Variants in CLUL1 observed in about 807,000 individuals in gnomAD.
CLUL1 encodes the protein clusterin like 1, also known as clusterin-like protein 1.
Under a neutral mutation model 49.4 loss-of-function variants are expected in CLUL1, and 43 were observed. The observed-to-expected ratio is 0.87, with a 90% confidence interval of 0.68 to 1.12. The LOEUF (loss-of-function observed/expected upper bound fraction) is 1.12. Among genes scored for constraint, CLUL1 ranks in the 50% most tolerant of loss-of-function variants. The pLI is 0.00. For synonymous variants in CLUL1, 192 were observed against 184.9 expected (o/e 1.04, Z -0.31); for missense variants, 486 against 544.4 (o/e 0.89, Z 1.07).
intron 1 of CLUL1, chr18:598,326 A>C (rs966219964): frequency 5.2e-6 from 2 of 384,316 alleles, no homozygotes; most frequent in Non-Finnish European, 9.2e-6. Flanking sequence ...GAAGAAAGTC[A>C]CGATGATCTG....
At chr18:635,674 C>T (rs2074114735) in intron 7 of CLUL1, among the ~76,000 whole-genome samples, 1 of 149,430 alleles carries the variant, frequency 6.7e-6, no homozygotes, top group Non-Finnish European at 1.5e-5. Context: ...AAACTCCTGC[C>T]CCTCCCTTGG....
intron 1 of CLUL1, among the ~76,000 whole-genome samples, chr18:599,405 G>T (rs566511): frequency 0.4 from 60,816 of 152,000 alleles, 12,771 homozygotes; most frequent in Middle Eastern, 0.62. Flanking sequence ...AGGCACTATG[G>T]AAAATTTCTA....
chr18:635,249 G>A (rs1018107147), intron 7 of CLUL1, among the ~76,000 whole-genome samples: 1 of 152,180 alleles, frequency 6.6e-6, no homozygotes, highest in East Asian at 1.9e-4. Flanking sequence ...CAGGGGGCAC[G>A]TTTGGGGATG....
chr18:647,040 C>G (rs1468754015), intron 9 of CLUL1, among the ~76,000 whole-genome samples: 3 of 151,988 alleles, frequency 2.0e-5, no homozygotes, highest in Non-Finnish European at 2.9e-5. Flanking sequence ...CATGAGCCAC[C>G]ACACTGGCCT....
At chr18:634,134 TTTTG>T (rs144304454) in intron 7 of CLUL1, among the ~76,000 whole-genome samples, 10,341 of 151,982 alleles carry the variant, frequency 0.068, 484 homozygotes, top group East Asian at 0.2. Context: ...TAAACTGGTG[TTTTG>T]TTTGTTTGTT....
intron 1 of CLUL1, among the ~76,000 whole-genome samples, chr18:605,896 C>T (rs2072959443): frequency 6.6e-6 from 1 of 152,064 alleles, no homozygotes; most frequent in African/African-American, 2.4e-5. Context: ...AATGCCTGGC[C>T]TCAAGCAATC....
intron 8 of CLUL1, among the ~76,000 whole-genome samples, chr18:644,478 T>C (rs2074418310): frequency 6.6e-6 from 1 of 152,178 alleles, no homozygotes; most frequent in African/African-American, 2.4e-5. Flanking sequence ...TCAGCAAACA[T>C]CCCACCTCCT....
chr18:626,885 AAG>A (rs1236690673), intron 5 of CLUL1, among the ~76,000 whole-genome samples: 1 of 1,158 alleles, frequency 8.6e-4, no homozygotes, highest in Non-Finnish European at 0.017. Context: ...GAAAGAAAGA[AAG>A]AAAGAAAGAA....
At chr18:643,812 A>G (rs1019138322) in intron 8 of CLUL1, among the ~76,000 whole-genome samples, 4 of 152,202 alleles carry the variant, frequency 2.6e-5, no homozygotes, top group Non-Finnish European at 5.9e-5. Context: ...ATGACCCTAT[A>G]AAGGAAGTAG....
intron 2 of CLUL1, among the ~76,000 whole-genome samples, chr18:609,068 T>C (rs995378984): frequency 6.6e-6 from 1 of 152,194 alleles, no homozygotes; most frequent in Admixed American, 6.5e-5. Context: ...ATATACACAA[T>C]GAGATATCTT....
Position 645,801 on chromosome 18 carries a change from AAAAAAAAAAATATATATATATATAT to A in CLUL1, c.1397+706_1397+730del, listed in dbSNP as rs1202141155. ...AGAGCGAGACTCTGTTTAAAAAAAA[AAAAAAAAAAATATATATATATATAT>A]ATATATATATATATATATATATATA... On this transcript the variant is annotated intron_variant, in intron 9 of 9. Coordinates refer to ENST00000692774, the MANE Select transcript of CLUL1 (RefSeq NM_001393344.1). Among the ~76,000 whole-genome samples, 14 of 50,998 alleles carry A rather than the reference AAAAAAAAAAATATATATATATATAT, an allele frequency of 2.7e-4. 2 individuals are homozygous for A. Among genetic ancestry groups the A allele is most frequent in the African/African-American group, 1.0e-3 (13 of 12,470 alleles). The allele number at this position is 50,998 out of a possible 152,430, so 33.5% of individuals were successfully genotyped here. A position where few individuals can be genotyped will look rare whatever the true frequency, so the allele number is the denominator to read the frequency against.
chr18:635,259 G>A (rs887811222), intron 7 of CLUL1, among the ~76,000 whole-genome samples: 6 of 152,168 alleles, frequency 3.9e-5, no homozygotes, highest in African/African-American at 1.4e-4. Context: ...GTTTGGGGAT[G>A]ATCATCAGGC....
intron 4 of CLUL1, 107 bp downstream of exon 4, chr18:619,468 A>C: frequency 7.7e-6 from 8 of 1,044,498 alleles, no homozygotes; most frequent in Non-Finnish European, 1.1e-5. Flanking sequence ...AATAAATTTC[A>C]TGGGTAGCTG....
At chr18:623,445 G>A (rs1351351874) in intron 4 of CLUL1, among the ~76,000 whole-genome samples, 1 of 152,056 alleles carries the variant, frequency 6.6e-6, no homozygotes, top group Non-Finnish European at 1.5e-5. Context: ...AGGAGTTCGA[G>A]ATCAGCCTGG....
chr18:649,141 A>G (rs992377930), intron 9 of CLUL1, among the ~76,000 whole-genome samples: 15 of 152,124 alleles, frequency 9.9e-5, no homozygotes, highest in African/African-American at 3.6e-4. Context: ...GATTATATCA[A>G]TGCATTCAGG....
At chr18:617,465 A>C (rs493239) in intron 2 of CLUL1, among the ~76,000 whole-genome samples, 3 of 152,114 alleles carry the variant, frequency 2.0e-5, no homozygotes, top group Admixed American at 6.6e-5. Context: ...TTGGTGGCGC[A>C]TGCCTATAAT....
rs869103727 is a variant in CLUL1 at position 645,792 on chromosome 18, T to TAAA, written c.1397+712_1397+714dup. Among the ~76,000 whole-genome samples the TAAA allele has an allele frequency of 6.9e-3, 111 of 16,062 alleles. 32 individuals carry two copies. The highest frequency in any genetic ancestry group is 0.17 in the Middle Eastern group (2 of 12). The allele number at this position is 16,062 out of a possible 152,430, so 10.5% of individuals were successfully genotyped here. ...CTGGGCGACAGAGCGAGACTCTGTT[T>TAAA]AAAAAAAAAAAAAAAAAAATATATA... On this transcript the variant is annotated intron_variant, in intron 9 of 9. Coordinates refer to ENST00000692774, the MANE Select transcript of CLUL1 (RefSeq NM_001393344.1).
At chr18:631,368 C>T (rs28532598) in intron 6 of CLUL1, among the ~76,000 whole-genome samples, 9 of 151,706 alleles carry the variant, frequency 5.9e-5, no homozygotes, top group Admixed American at 5.2e-4. Context: ...TAGCTTGACC[C>T]GTGCGGGGGC....
At chr18:628,872 A>T (rs112614021) in intron 6 of CLUL1, among the ~76,000 whole-genome samples, 1,752 of 151,968 alleles carry the variant, frequency 0.012, 30 homozygotes, top group African/African-American at 0.04. Context: ...ACCTCAAGTG[A>T]TCTGCTCACC....
Sources: gnomAD v4.1 joint callset for allele counts (sites outside exome capture counted in the v4.1 genomes callset) on GRCh38, gnomAD v4.1.1 for gene constraint, MANE v1.5 for transcripts, NCBI Gene and HGNC (gene_info 2026-07-23, HGNC 2026-07-21) for gene names.